The following PRUNE2 variants were observed in gnomAD, a reference collection of about 807,000 sequenced individuals.
PRUNE2 encodes protein prune homolog 2.
In PRUNE2, 164 loss-of-function variants were observed where a neutral mutation model predicts 252.0. The ratio of observed to expected loss-of-function variants is 0.65; its 90% CI spans 0.57 to 0.74. The LOEUF (loss-of-function observed/expected upper bound fraction) is 0.74, where lower values mean the gene tolerates loss of function less well. PRUNE2 is among the 30% of genes least tolerant of loss of function. PRUNE2 has a pLI of 0.00. For synonymous variants in PRUNE2, 1,292 were observed against 1,350.2 expected (o/e 0.96, Z 0.94); for missense variants, 3,495 against 3,711.0 (o/e 0.94, Z 1.51).
chr9:76,681,450 T>TGA (rs2043424391), intron 9 of PRUNE2, among the ~76,000 whole-genome samples: 1 of 132,842 alleles, frequency 7.5e-6, no homozygotes, highest in Admixed American at 7.5e-5. Context: ...TTACCACGAT[T>TGA]AAAAAAAAAA....
rs151267539 is a variant in PRUNE2 at position 76,774,462 on chromosome 9, T to A, written c.756+49170A>T. ...CTCCAGTTCAACCCTTTTTTTTTTT[T>A]TTTTTTTTTTTTTTTGAGATGGAGT... On this transcript the variant is annotated intron_variant, in intron 6 of 18. Coordinates refer to ENST00000376718, the MANE Select transcript of PRUNE2 (RefSeq NM_015225.3). Among the ~76,000 whole-genome samples, 944 of 104,058 alleles carry A rather than the reference T, an allele frequency of 9.1e-3. 13 individuals are homozygous for A. The highest frequency in any genetic ancestry group is 0.015 in the Non-Finnish European group (675 of 46,170). The allele number at this position is 104,058 out of a possible 152,430, so 68.3% of individuals were successfully genotyped here.
At chr9:76,790,272 C>T (rs990124279) in intron 6 of PRUNE2, among the ~76,000 whole-genome samples, 6 of 152,152 alleles carry the variant, frequency 3.9e-5, no homozygotes, top group African/African-American at 1.4e-4. Flanking sequence ...AATTCCCATG[C>T]TAGCACATGG....
intron 4 of PRUNE2, among the ~76,000 whole-genome samples, chr9:76,830,024 T>C (rs185747853): frequency 1.3e-5 from 2 of 152,334 alleles, no homozygotes; most frequent in East Asian, 3.9e-4. Flanking sequence ...AATTAGAATC[T>C]GTAAGTAAAA....
rs1554716098 is a variant in PRUNE2 at position 76,709,219 on chromosome 9, A to ATGACTGTTGTAG, written c.3054_3055insCTACAACAGTCA (p.Leu1015_Ser1018dup). On this transcript the variant is annotated inframe_insertion, in exon 8 of 19. Coordinates refer to ENST00000376718, the MANE Select transcript of PRUNE2 (RefSeq NM_015225.3). Reference sequence around the variant, plus strand: ...GGACCTGAACTGATTCGATTTCGAGATGACTGTTGCAGTGACTGAGGAGGA... The same window carrying ATGACTGTTGTAG: ...GGACCTGAACTGATTCGATTTCGAGATGACTGTTGTAGTGACTGTTGCAGTGACTGAGGAGGA... 1 of 1,610,434 alleles carries ATGACTGTTGTAG rather than the reference A, an allele frequency of 6.2e-7. No homozygotes were observed. The highest frequency in any genetic ancestry group is 1.1e-5 in the South Asian group (1 of 90,978).
intron 6 of PRUNE2, among the ~76,000 whole-genome samples, chr9:76,735,579 T>C (rs992096311): frequency 6.6e-6 from 1 of 152,028 alleles, no homozygotes. Context: ...AGGCTGACCA[T>C]GGAAGACTTT....
chr9:76,663,531 C>CA (rs34536747), intron 9 of PRUNE2, among the ~76,000 whole-genome samples: 30,295 of 151,980 alleles, frequency 0.2, 3,093 homozygotes, highest in East Asian at 0.27. Flanking sequence ...CTGCAGGGAG[C>CA]AAAAAAATCA....
At chr9:76,632,930 C>G (rs114549346) in intron 15 of PRUNE2, among the ~76,000 whole-genome samples, 1 of 152,198 alleles carries the variant, frequency 6.6e-6, no homozygotes, top group East Asian at 1.9e-4. Flanking sequence ...TAAAAATATT[C>G]TATGATGCCG....
intron 6 of PRUNE2, among the ~76,000 whole-genome samples, chr9:76,771,496 A>G (rs1408983523): frequency 6.6e-6 from 1 of 152,222 alleles, no homozygotes; most frequent in African/African-American, 2.4e-5. Flanking sequence ...GCAATGTGAC[A>G]TGAAGGCAGG....
chr9:76,629,300 A>G lies in PRUNE2; in HGVS notation c.9051-10T>C, dbSNP rs375908114. Reference sequence around the variant, plus strand: ...ACTGCTGAATTTTGAACTAAAAAAAAAAAAAAGAAAAAAATATGTATCATT... The same window carrying G: ...ACTGCTGAATTTTGAACTAAAAAAAGAAAAAAGAAAAAAATATGTATCATT... On this transcript the variant is annotated splice_polypyrimidine_tract_variant and intron_variant, in intron 15 of 18. Transcript: ENST00000376718. 100 of 1,410,656 alleles carry G rather than the reference A, an allele frequency of 7.1e-5. No individual in the cohort carries two copies. The African/African-American group carries it at 1.3e-3, about 19-fold the overall frequency. The allele number at this position is 1,410,656 out of a possible 1,614,324, so 87.4% of individuals were successfully genotyped here.
chr9:76,805,141 A>C (rs1210730589), intron 6 of PRUNE2, among the ~76,000 whole-genome samples: 1 of 152,176 alleles, frequency 6.6e-6, no homozygotes, highest in Non-Finnish European at 1.5e-5. Flanking sequence ...CTGGGATGAA[A>C]GACCACATGG....
intron 9 of PRUNE2, among the ~76,000 whole-genome samples, chr9:76,681,034 G>A (rs905037784): frequency 2.0e-5 from 3 of 152,034 alleles, no homozygotes; most frequent in African/African-American, 7.2e-5. Flanking sequence ...CATATCAATG[G>A]ATAAAGAAAA....
intron 6 of PRUNE2, among the ~76,000 whole-genome samples, chr9:76,818,376 T>C (rs1300661482): frequency 1.3e-5 from 2 of 152,168 alleles, no homozygotes; most frequent in East Asian, 3.9e-4. Context: ...AGGAAGGAGT[T>C]TAGCAGTGAT....
chr9:76,717,699 CCTT>C (rs1369505394), intron 6 of PRUNE2, among the ~76,000 whole-genome samples: 1 of 152,032 alleles, frequency 6.6e-6, no homozygotes, highest in East Asian at 1.9e-4. Flanking sequence ...GCCACACACA[CCTT>C]CTGCATTTGT....
chr9:76,885,319 T>C (rs2062025447), intron 1 of PRUNE2, among the ~76,000 whole-genome samples: 1 of 152,222 alleles, frequency 6.6e-6, no homozygotes, highest in South Asian at 2.1e-4. Context: ...GATGACATAA[T>C]GCCTTCTAGC....
intron 4 of PRUNE2, among the ~76,000 whole-genome samples, chr9:76,840,309 A>G (rs10781386): frequency 0.8 from 121,527 of 152,040 alleles, 48,677 homozygotes; most frequent in African/African-American, 0.85. Context: ...TTTTGAGCAC[A>G]GTGGGCTCAG....
At chr9:76,751,156 C>T (rs2050575160) in intron 6 of PRUNE2, among the ~76,000 whole-genome samples, 1 of 152,242 alleles carries the variant, frequency 6.6e-6, no homozygotes. Flanking sequence ...TCATCTAATG[C>T]ACTCTGCTAA....
intron 1 of PRUNE2, among the ~76,000 whole-genome samples, chr9:76,875,467 G>T (rs2061425794): frequency 6.6e-6 from 1 of 152,154 alleles, no homozygotes; most frequent in Non-Finnish European, 1.5e-5. Flanking sequence ...CCAGGTTCAA[G>T]TGATTCTCCT....
At chr9:76,615,897 G>A (rs1829370577) in intron 18 of PRUNE2, among the ~76,000 whole-genome samples, 1 of 148,586 alleles carries the variant, frequency 6.7e-6, no homozygotes, top group Admixed American at 6.9e-5. Flanking sequence ...AGCCTCCCGA[G>A]TAGCTGGGAT....
rs779464413 is a variant in PRUNE2, at chr9:76,708,266, CCT to C, written c.4006_4007del (p.Arg1336GlyfsTer4). The C allele has an allele frequency of 8.1e-6, 13 of 1,613,764 alleles. No homozygotes were observed. Among genetic ancestry groups the C allele is most frequent in the African/African-American group, 2.7e-5 (2 of 74,918 alleles). ...SEKEAQGATD[R>X]GHLDEEEVIA... ...TCACCTCCTCTTCATCAAGGTGCCC[CCT>C]GTCAGTGGCTCCCTGGGCTTCCTTC... On this transcript the variant is annotated frameshift_variant, in exon 8 of 19. Transcript: ENST00000376718. LOFTEE classifies it high-confidence loss of function.
Sources: gnomAD v4.1 joint callset for allele counts (sites outside exome capture counted in the v4.1 genomes callset) on GRCh38, gnomAD v4.1.1 for gene constraint, MANE v1.5 for transcripts, NCBI Gene and HGNC (gene_info 2026-07-23, HGNC 2026-07-21) for gene names.